The following CPNE8 variants were observed in gnomAD, a reference collection of about 807,000 sequenced individuals.
The protein encoded by CPNE8 is copine-8.
In CPNE8, 45 loss-of-function variants were observed where a neutral mutation model predicts 81.5. The ratio of observed to expected loss-of-function variants is 0.55; its 90% confidence interval spans 0.44 to 0.71. CPNE8 has a LOEUF of 0.71. Ranked by LOEUF, CPNE8 falls within the 30% of genes least tolerant of loss-of-function variation. CPNE8 has a pLI of 0.00. For missense variants in CPNE8, 594 were observed against 672.1 expected (o/e 0.88, Z 1.28); for synonymous variants, 252 against 226.3 (o/e 1.11, Z -1.02).
At chr12:38,869,553 A>G (rs907405511) in intron 3 of CPNE8, among the ~76,000 whole-genome samples, 1 of 152,214 alleles carries the variant, frequency 6.6e-6, no homozygotes, top group Admixed American at 6.5e-5. Context: ...ACACAGTGTC[A>G]TTCATTTTTT....
intron 7 of CPNE8, 105 bp from the exon 8 acceptor site, chr12:38,767,843 G>A (rs1941721900): frequency 1.6e-6 from 1 of 644,884 alleles, no homozygotes; most frequent in African/African-American, 1.9e-5. Context: ...CTATTTTAAT[G>A]CAAATGGCCA....
chr12:38,904,558 T>A (rs1944536554), intron 1 of CPNE8, among the ~76,000 whole-genome samples: 1 of 147,098 alleles, frequency 6.8e-6, no homozygotes, highest in Non-Finnish European at 1.5e-5. Flanking sequence ...AACATCCACA[T>A]CCCGGGTTCA....
chr12:38,834,651 C>T (rs146496857), intron 5 of CPNE8, among the ~76,000 whole-genome samples: 1,759 of 152,264 alleles, frequency 0.012, 13 homozygotes, highest in Admixed American at 0.018. Flanking sequence ...CCCCATTCTC[C>T]ACTTCAACTG....
At chr12:38,852,766 A>G (rs78313226) in intron 3 of CPNE8, among the ~76,000 whole-genome samples, 6,881 of 152,182 alleles carry the variant, frequency 0.045, 390 homozygotes, top group African/African-American at 0.13. Flanking sequence ...CAGAAAATAT[A>G]TCAAGGGTAA....
intron 10 of CPNE8, among the ~76,000 whole-genome samples, chr12:38,756,034 C>A (rs1405611676): frequency 7.4e-5 from 1 of 13,494 alleles, no homozygotes; most frequent in East Asian, 7.9e-4. Context: ...AGCGAGACTC[C>A]GTCTCAAAAA....
intron 4 of CPNE8, among the ~76,000 whole-genome samples, chr12:38,840,173 C>T (rs1943445361): frequency 6.6e-6 from 1 of 152,128 alleles, no homozygotes; most frequent in African/African-American, 2.4e-5. Context: ...AAACACCTAA[C>T]AAGCCTTAAT....
chr12:38,814,684 C>A (rs1374970986), intron 6 of CPNE8, among the ~76,000 whole-genome samples: 1 of 151,882 alleles, frequency 6.6e-6, no homozygotes, highest in Non-Finnish European at 1.5e-5. Flanking sequence ...GACTAAATAT[C>A]CATTTACAGG....
intron 3 of CPNE8, among the ~76,000 whole-genome samples, chr12:38,864,862 A>C (rs1352865452): frequency 6.6e-6 from 1 of 152,216 alleles, no homozygotes; most frequent in African/African-American, 2.4e-5. Flanking sequence ...ATCGCTATCT[A>C]AGATTAAATT....
At chr12:38,905,286 C>T (rs1300417759) in intron 1 of CPNE8, 151 bp downstream of exon 1, 2 of 798,178 alleles carry the variant, frequency 2.5e-6, no homozygotes, top group Non-Finnish European at 2.0e-6. Flanking sequence ...TCACCTGACC[C>T]GGGGTAACTC....
At chr12:38,704,459 C>T (rs1255792300) in intron 13 of CPNE8, among the ~76,000 whole-genome samples, 1 of 151,994 alleles carries the variant, frequency 6.6e-6, no homozygotes, top group African/African-American at 2.4e-5. Flanking sequence ...CAAAATGCTC[C>T]TCAACTTGCA....
chr12:38,807,906 G>A (rs1004661066), intron 6 of CPNE8, among the ~76,000 whole-genome samples: 4 of 151,444 alleles, frequency 2.6e-5, no homozygotes, highest in Admixed American at 6.6e-5. Flanking sequence ...AAATTTACAA[G>A]AAAAAAACAA....
In CPNE8 at chr12:38,653,730, A is replaced by C; in HGVS notation, c.*152T>G. ...CCATATTTACAGTTTTGGTTTAGGA[A>C]GATATTTAAATTTGGATCCAAGAAA... On this transcript the variant is annotated 3_prime_UTR_variant, in exon 20 of 20. Coordinates refer to ENST00000331366, the MANE Select transcript of CPNE8 (RefSeq NM_153634.3). The C allele has an allele frequency of 1.2e-5, 13 of 1,109,142 alleles. No individual in the cohort carries two copies. Among genetic ancestry groups the C allele is most frequent in the South Asian group, 2.3e-5 (1 of 42,626 alleles). The allele number at this position is 1,109,142 out of a possible 1,614,324, so 68.7% of individuals were successfully genotyped here.
chr12:38,902,229 GAAGGAAA>G (rs1944474657), intron 1 of CPNE8, among the ~76,000 whole-genome samples: 3 of 108,578 alleles, frequency 2.8e-5, no homozygotes, highest in South Asian at 2.8e-4. Flanking sequence ...GAAAGAGAAA[GAAGGAAA>G]GAAAGAAAGA....
chr12:38,742,015 C>T (rs1941118848), intron 10 of CPNE8, among the ~76,000 whole-genome samples: 1 of 152,124 alleles, frequency 6.6e-6, no homozygotes. Context: ...ATTAAAAAGT[C>T]AGGAAACAAC....
chr12:38,811,545 T>C (rs1046291289), intron 6 of CPNE8, among the ~76,000 whole-genome samples: 3 of 152,200 alleles, frequency 2.0e-5, no homozygotes, highest in African/African-American at 7.2e-5. Context: ...TTAGGTTCCA[T>C]AATATAATTG....
At chr12:38,853,482 T>C (rs978079781) in intron 3 of CPNE8, among the ~76,000 whole-genome samples, 1 of 152,078 alleles carries the variant, frequency 6.6e-6, no homozygotes, top group Non-Finnish European at 1.5e-5. Context: ...GCCAAGCACT[T>C]TTACATAATG....
intron 6 of CPNE8, among the ~76,000 whole-genome samples, chr12:38,807,228 C>G (rs1020877592): frequency 2.7e-5 from 4 of 149,382 alleles, no homozygotes; most frequent in African/African-American, 9.7e-5. Context: ...CAATGACTTT[C>G]TTCACAGAAT....
chr12:38,764,632 A>G (rs1056714181), intron 8 of CPNE8, among the ~76,000 whole-genome samples: 15 of 150,232 alleles, frequency 1.0e-4, no homozygotes, highest in African/African-American at 2.7e-4. Flanking sequence ...AAAAAAAAAA[A>G]AAAAAAAGAA....
chr12:38,699,848 T>C (rs1296689478), intron 14 of CPNE8, among the ~76,000 whole-genome samples: 3 of 152,224 alleles, frequency 2.0e-5, no homozygotes, highest in Admixed American at 2.0e-4. Flanking sequence ...GAAATTGTTT[T>C]CTGAATTTCA....
Sources: gnomAD v4.1 joint callset for allele counts (sites outside exome capture counted in the v4.1 genomes callset) on GRCh38, gnomAD v4.1.1 for gene constraint, MANE v1.5 for transcripts, NCBI Gene and HGNC (gene_info 2026-07-23, HGNC 2026-07-21) for gene names.